Variants in PGM3 observed in about 807,000 individuals in gnomAD.
The protein encoded by PGM3 is phosphoacetylglucosamine mutase.
Under a neutral mutation model 66.2 loss-of-function variants are expected in PGM3, and 40 were observed. The ratio of observed to expected loss-of-function variants is 0.60; its 90% CI spans 0.47 to 0.79. The LOEUF is 0.79. PGM3 is among the 30% of genes least tolerant of loss of function. The pLI, the probability that PGM3 is intolerant of heterozygous loss-of-function variation, is 0.00. For synonymous variants in PGM3, 191 were observed against 224.2 expected, an observed-to-expected ratio of 0.85 and a Z score of 1.32; for missense variants, 537 against 643.4, an observed-to-expected ratio of 0.83 and a Z score of 1.79.
downstream of PGM3, chr6:83,162,795 G>A (rs1317530811): frequency 7.4e-6 from 12 of 1,611,268 alleles, no homozygotes; most frequent in Non-Finnish European, 1.0e-5. Flanking sequence ...CATAGGTACC[G>A]ATGGGCCTTT....
At chr6:83,177,356 G>C (rs1409226102) in intron 8 of PGM3, among the ~76,000 whole-genome samples, 2 of 152,096 alleles carry the variant, frequency 1.3e-5, no homozygotes, top group Non-Finnish European at 2.9e-5. Context: ...AACTCTCCGA[G>C]CAAGTAGTGT....
chr6:83,182,814 T>C (rs773182388), intron 5 of PGM3, 31 bp downstream of exon 5: 3 of 1,599,304 alleles, frequency 1.9e-6, no homozygotes, highest in Non-Finnish European at 2.6e-6. Context: ...TTCATTTGTT[T>C]AACTTTAACC....
the PGM3 span, chr6:83,153,697 T>G: frequency 7.9e-7 from 1 of 1,273,390 alleles, no homozygotes; most frequent in East Asian, 2.5e-5. Context: ...TTATTGCCAT[T>G]TCTAGAATTA....
chr6:83,180,539 CAG>C (rs1373384162), intron 6 of PGM3, among the ~76,000 whole-genome samples: 1 of 152,110 alleles, frequency 6.6e-6, no homozygotes, highest in African/African-American at 2.4e-5. Flanking sequence ...ATGACAGCAG[CAG>C]AGTGACAAAT....
chr6:83,158,488 A>C, downstream of PGM3: 1 of 1,130,236 alleles, frequency 8.8e-7, no homozygotes, highest in Non-Finnish European at 1.3e-6. Context: ...TTTTGCGTTA[A>C]TGAAAATACA....
intron 4 of PGM3, among the ~76,000 whole-genome samples, chr6:83,186,513 GAC>G (rs1200222000): frequency 1.3e-5 from 2 of 152,122 alleles, no homozygotes; most frequent in Non-Finnish European, 2.9e-5. Context: ...CTTCACAACA[GAC>G]ACAGTGTGAG....
rs1170334606 is a variant in PGM3, at chr6:83,166,490, T to C, written c.*2744A>G. On this transcript the variant is annotated 3_prime_UTR_variant, in exon 13 of 13. Transcript: ENST00000513973. ...ACCTATTTTGAACTCAGAAAATCGCTAAATTTGATTTTTGTCTAACATCAT... is the reference window on the plus strand; with the variant it reads ...ACCTATTTTGAACTCAGAAAATCGCCAAATTTGATTTTTGTCTAACATCAT... 1 of 698,682 alleles carries C rather than the reference T, an allele frequency of 1.4e-6. No individual in the cohort carries two copies. The highest frequency in any genetic ancestry group is 2.0e-5 in the Admixed American group (1 of 49,150). 43.3% of individuals were successfully genotyped at this position (698,682 alleles called of 1,614,324 possible).
At chr6:83,153,846 T>C in the PGM3 span, 1 of 1,546,622 alleles carries the variant, frequency 6.5e-7, no homozygotes, top group Non-Finnish European at 8.7e-7. Context: ...CTTGATAGGA[T>C]GATTAAAGTT....
the PGM3 span, chr6:83,153,749 A>G: frequency 8.5e-7 from 1 of 1,179,634 alleles, no homozygotes; most frequent in Non-Finnish European, 1.2e-6. Context: ...ATTGTTTAAA[A>G]AAATTCATAT....
chr6:83,185,173 A>G (rs77494302), intron 4 of PGM3, among the ~76,000 whole-genome samples: 1,861 of 152,334 alleles, frequency 0.012, 28 homozygotes, highest in African/African-American at 0.038. Flanking sequence ...CACCTAAGGG[A>G]AGACACCACT....
At chr6:83,162,331 C>G (rs899740181), downstream of PGM3, among the ~76,000 whole-genome samples, 24 of 152,060 alleles carry the variant, frequency 1.6e-4, no homozygotes, top group African/African-American at 4.6e-4. Context: ...TTCTTAAATT[C>G]GTTCAATTTT....
chr6:83,167,868 C>G lies in PGM3; in HGVS notation c.*1366G>C. On this transcript the variant is annotated 3_prime_UTR_variant, in exon 13 of 13. Coordinates refer to ENST00000513973, the MANE Select transcript of PGM3 (RefSeq NM_015599.3). The stretch of plus-strand genomic sequence containing the variant: ...CACTTTTTGTTTTCTGCAGAAAAAT[C>G]CAGAGGAAGACAACTCAGGGAGAAC... 1 of 1,602,500 alleles carries G rather than the reference C, an allele frequency of 6.2e-7. No individual in the cohort carries two copies. The highest frequency in any genetic ancestry group is 8.5e-7 in the Non-Finnish European group (1 of 1,173,410).
At chr6:83,152,186 T>C in the PGM3 span, 299 of 745,054 alleles carry the variant, frequency 4.0e-4, no homozygotes, top group African/African-American at 4.9e-3. Flanking sequence ...TACATATACA[T>C]ATATATATAC....
chr6:83,173,748 T>C (rs1360559454), intron 10 of PGM3, among the ~76,000 whole-genome samples: 2 of 152,138 alleles, frequency 1.3e-5, no homozygotes, highest in African/African-American at 4.8e-5. Context: ...TATTTGTGTT[T>C]GTTTTTGAGA....
chr6:83,154,076 T>C, the PGM3 span: 1,444 of 1,613,386 alleles, frequency 9.0e-4, 8 homozygotes, highest in Non-Finnish European at 1.0e-3. Context: ...TTCAGCATGA[T>C]GCACCTCACA....
At chr6:83,149,606 TGAAAG>T in the PGM3 span, among the ~76,000 whole-genome samples, 5 of 152,048 alleles carry the variant, frequency 3.3e-5, no homozygotes, top group Non-Finnish European at 5.9e-5. Context: ...AATGTGGTCT[TGAAAG>T]GGAGTGGGAG....
the PGM3 span, among the ~76,000 whole-genome samples, chr6:83,151,311 C>G: frequency 4.6e-5 from 7 of 152,154 alleles, no homozygotes; most frequent in Admixed American, 1.3e-4. Context: ...TGCACCACCA[C>G]GCCTGGCCAC....
downstream of PGM3, among the ~76,000 whole-genome samples, chr6:83,160,235 A>G (rs1783914217): frequency 6.6e-6 from 1 of 152,204 alleles, no homozygotes; most frequent in Admixed American, 6.5e-5. Flanking sequence ...AGACATACTC[A>G]TACTATGGTG....
At chr6:83,191,841 ATTAG>A in intron 1 of PGM3, among the ~76,000 whole-genome samples, 1 of 151,716 alleles carries the variant, frequency 6.6e-6, no homozygotes, top group South Asian at 2.1e-4. Context: ...ATACAAAAAA[ATTAG>A]TCGGGCGTGT....
Sources: gnomAD v4.1 joint callset for allele counts (sites outside exome capture counted in the v4.1 genomes callset) on GRCh38, gnomAD v4.1.1 for gene constraint, MANE v1.5 for transcripts, NCBI Gene and HGNC (gene_info 2026-07-23, HGNC 2026-07-21) for gene names.